PPP2R2B: variants seen among roughly 807,000 people sequenced by gnomAD.
The protein encoded by PPP2R2B is serine/threonine-protein phosphatase 2A 55 kDa regulatory subunit B beta isoform.
Under a neutral mutation model 46.0 loss-of-function variants are expected in PPP2R2B, and 5 were observed. The observed-to-expected ratio is 0.11, with a 90% confidence interval of 0.06 to 0.23. The LOEUF (loss-of-function observed/expected upper bound fraction) is 0.23. Ranked by LOEUF, PPP2R2B falls within the 10% of genes least tolerant of loss-of-function variation. The pLI is 1.00. For synonymous variants in PPP2R2B, 215 were observed against 206.7 expected (o/e 1.04, Z -0.34); for missense variants, 367 against 575.0 (o/e 0.64, Z 3.70).
chr5:147,047,682 C>T (rs530446254), intron 1 of PPP2R2B, among the ~76,000 whole-genome samples: 3 of 152,050 alleles, frequency 2.0e-5, no homozygotes, highest in Non-Finnish European at 4.4e-5. Context: ...AATAAAATGA[C>T]TTTCTGTGTA....
intron 2 of PPP2R2B, among the ~76,000 whole-genome samples, chr5:146,817,144 T>G (rs1432265921): frequency 2.6e-5 from 4 of 152,296 alleles, no homozygotes; most frequent in African/African-American, 9.6e-5. Flanking sequence ...GTTGCTACAT[T>G]TGGCCCATCA....
At chr5:146,677,674 T>C (rs963147363) in intron 5 of PPP2R2B, among the ~76,000 whole-genome samples, 1 of 151,882 alleles carries the variant, frequency 6.6e-6, no homozygotes, top group Non-Finnish European at 1.5e-5. Context: ...ACTGCAAGTG[T>C]GCACCACCAT....
chr5:146,758,269 CA>C (rs1284572310), intron 2 of PPP2R2B, among the ~76,000 whole-genome samples: 2 of 152,120 alleles, frequency 1.3e-5, no homozygotes, highest in East Asian at 1.9e-4. Context: ...GCAAAAGCAA[CA>C]GGTGAACTAG....
intron 1 of PPP2R2B, among the ~76,000 whole-genome samples, chr5:147,018,791 A>C (rs1755125773): frequency 6.6e-6 from 1 of 152,152 alleles, no homozygotes; most frequent in African/African-American, 2.4e-5. Context: ...ACAAATATTT[A>C]GTGATGTCCT....
chr5:146,590,572 C>T (rs565501682), intron 9 of PPP2R2B, among the ~76,000 whole-genome samples: 26 of 152,110 alleles, frequency 1.7e-4, no homozygotes, highest in African/African-American at 6.3e-4. Context: ...TACCTACCTC[C>T]CATCAGGAAT....
At chr5:146,736,643 C>G (rs1752557184) in intron 2 of PPP2R2B, among the ~76,000 whole-genome samples, 1 of 152,168 alleles carries the variant, frequency 6.6e-6, no homozygotes, top group Admixed American at 6.5e-5. Context: ...AGCACCACCC[C>G]CTTTCCTAGG....
At position 147,006,247 on chromosome 5, in the gene PPP2R2B, C is replaced by T. The variant is rs980658212; in HGVS notation, c.79+49418G>A. On this transcript the variant is annotated intron_variant, in intron 1 of 8. Coordinates refer to the PPP2R2B transcript ENST00000336640. ...TTGCCTAATAATTGGTCTGCTCAAA[C>T]GTGGGAGTTGTTTGCATTCAGCCAA... Among the ~76,000 whole-genome samples, 6 of 152,122 alleles carry T rather than the reference C, an allele frequency of 3.9e-5. No homozygotes were observed. In the South Asian group the frequency reaches 8.3e-4, roughly 21 times the overall value.
intron 6 of PPP2R2B, among the ~76,000 whole-genome samples, chr5:146,644,596 A>C (rs1775455851): frequency 6.6e-6 from 1 of 152,166 alleles, no homozygotes; most frequent in African/African-American, 2.4e-5. Context: ...TATTGTGAAA[A>C]ATACAGTGAT....
At chr5:146,642,783 A>G (rs1200627281) in intron 6 of PPP2R2B, among the ~76,000 whole-genome samples, 1 of 152,240 alleles carries the variant, frequency 6.6e-6, no homozygotes, top group Non-Finnish European at 1.5e-5. Flanking sequence ...AGGGCCACGC[A>G]TGGTGGCTCG....
chr5:146,877,417 CT>C (rs1761958120), intron 2 of PPP2R2B, among the ~76,000 whole-genome samples: 1 of 152,218 alleles, frequency 6.6e-6, no homozygotes, highest in Non-Finnish European at 1.5e-5. Flanking sequence ...GCCTCATTCG[CT>C]GCCCGCCAGA....
rs552052944 is a variant in PPP2R2B, at chr5:147,032,605, A to G, written c.79+23060T>C. Among the ~76,000 whole-genome samples the G allele has an allele frequency of 3.9e-5, 6 of 152,204 alleles. 1 individual carries two copies. In the South Asian group the frequency reaches 1.2e-3, roughly 32 times the overall value. On this transcript the variant is annotated intron_variant, in intron 1 of 8. Transcript: ENST00000336640. The stretch of plus-strand genomic sequence containing the variant: ...CTCTCACATATCAGTGAAAACACAG[A>G]TGTTTGGTGTTCCATTCTTGAGTTA...
chr5:146,916,181 A>C (rs1763377849), intron 1 of PPP2R2B, among the ~76,000 whole-genome samples: 1 of 152,232 alleles, frequency 6.6e-6, no homozygotes, highest in South Asian at 2.1e-4. Context: ...CCCACAACAA[A>C]AAAATGCAAA....
chr5:147,016,175 A>G (rs1009446730), intron 1 of PPP2R2B, among the ~76,000 whole-genome samples: 1 of 151,396 alleles, frequency 6.6e-6, no homozygotes, highest in African/African-American at 2.4e-5. Context: ...TCTCTACAAA[A>G]TTTTTTTAGA....
intron 1 of PPP2R2B, among the ~76,000 whole-genome samples, chr5:146,915,761 T>A (rs1763363956): frequency 6.6e-6 from 1 of 152,192 alleles, no homozygotes; most frequent in Non-Finnish European, 1.5e-5. Flanking sequence ...AAAATCACTG[T>A]TATTGGGCCC....
intron 5 of PPP2R2B, among the ~76,000 whole-genome samples, chr5:146,683,683 C>T (rs770623851): frequency 6.6e-6 from 1 of 152,102 alleles, no homozygotes; most frequent in Non-Finnish European, 1.5e-5. Flanking sequence ...AGAACAGAAA[C>T]ATCCCAAACT....
intron 1 of PPP2R2B, among the ~76,000 whole-genome samples, chr5:146,965,479 T>C (rs1444081547): frequency 6.6e-6 from 1 of 152,086 alleles, no homozygotes; most frequent in East Asian, 1.9e-4. Flanking sequence ...CTCTGTGACT[T>C]GTTTTTTTAA....
chr5:146,657,295 G>A (rs766156814), intron 5 of PPP2R2B, among the ~76,000 whole-genome samples: 20 of 152,174 alleles, frequency 1.3e-4, no homozygotes, highest in Non-Finnish European at 2.8e-4. Flanking sequence ...CAGTAGCTCA[G>A]TAAATTGACA....
At chr5:147,064,296 A>C (rs574802372) in intron 2 of PPP2R2B, among the ~76,000 whole-genome samples, 1 of 152,236 alleles carries the variant, frequency 6.6e-6, no homozygotes, top group South Asian at 2.1e-4. Context: ...TGGACAAGGT[A>C]ATTGTTGTGT....
At chr5:146,914,217 A>C in intron 1 of PPP2R2B, 1 of 152,326 alleles carries the variant, frequency 6.6e-6, no homozygotes, top group East Asian at 1.9e-4. Context: ...ATACTTTTAA[A>C]GATTTATTGC....
Sources: allele counts gnomAD v4.1 joint callset (sites outside exome capture counted in the v4.1 genomes callset), GRCh38; gene constraint gnomAD v4.1.1; transcripts MANE v1.5; gene names NCBI Gene and HGNC (gene_info 2026-07-23, HGNC 2026-07-21).